Variants in NFASC observed in about 807,000 individuals in gnomAD.
NFASC encodes the protein neurofascin.
NFASC carries 43 observed loss-of-function variants against 147.5 expected under a neutral mutation model. The ratio of observed to expected loss-of-function variants is 0.29; its 90% CI spans 0.23 to 0.38. NFASC has a LOEUF of 0.38. Among genes scored for constraint, NFASC ranks in the 10% least tolerant of loss-of-function variants. NFASC has a pLI of 1.00. For missense variants in NFASC, 1,320 were observed against 1,689.0 expected (o/e 0.78, Z 3.83); for synonymous variants, 622 against 665.5 (o/e 0.93, Z 1.01).
chr1:204,888,083 A>G (rs1249270199), intron 1 of NFASC, among the ~76,000 whole-genome samples: 3 of 152,154 alleles, frequency 2.0e-5, no homozygotes, highest in Non-Finnish European at 4.4e-5. Context: ...GAGGCTGCAA[A>G]TGGTCTCTAG....
intron 12 of NFASC, 49 bp downstream of exon 12, chr1:204,973,468 C>T (rs1006687402): frequency 1.9e-6 from 3 of 1,604,628 alleles, no homozygotes; most frequent in Non-Finnish European, 2.6e-6. Context: ...CACTACTGCA[C>T]AGTCGCCCTG....
At chr1:204,995,724 A>C (rs890639250) in intron 24 of NFASC, among the ~76,000 whole-genome samples, 4 of 151,866 alleles carry the variant, frequency 2.6e-5, no homozygotes, top group Non-Finnish European at 4.4e-5. Context: ...AATTTTGGAG[A>C]CCCAAGGGAA....
chr1:204,983,140 T>C (rs142051017), intron 21 of NFASC, among the ~76,000 whole-genome samples: 23 of 152,226 alleles, frequency 1.5e-4, no homozygotes, highest in African/African-American at 5.1e-4. Flanking sequence ...ACAGTTTCCA[T>C]TGCACGCTTC....
At chr1:204,846,456 C>T (rs986939562) in intron 1 of NFASC, among the ~76,000 whole-genome samples, 6 of 152,076 alleles carry the variant, frequency 3.9e-5, no homozygotes, top group East Asian at 1.9e-4. Context: ...TTTGGGAGTG[C>T]GGCATGAATT....
rs957489165 is a variant in NFASC at position 205,019,479 on chromosome 1, T to C, written c.*2940T>C. The stretch of plus-strand genomic sequence containing the variant: ...GTTTCCTGTGCTCTCATTTGTCCAT[T>C]CATTCATTCATTCATTCATTCAGCA... On this transcript the variant is annotated 3_prime_UTR_variant, in exon 30 of 30. Transcript: ENST00000339876. The C allele has an allele frequency of 2.0e-5, 3 of 151,804 alleles. No individual in the cohort carries two copies. Among genetic ancestry groups the C allele is most frequent in the Non-Finnish European group, 4.4e-5 (3 of 68,028 alleles). 9.4% of individuals were successfully genotyped at this position (151,804 alleles called of 1,614,324 possible). A position where few individuals can be genotyped will look rare whatever the true frequency, so the allele number is the denominator to read the frequency against.
At chr1:204,841,927 A>C (rs1270183235) in intron 1 of NFASC, among the ~76,000 whole-genome samples, 1 of 152,124 alleles carries the variant, frequency 6.6e-6, no homozygotes, top group African/African-American at 2.4e-5. Flanking sequence ...TCCTGGCAGA[A>C]GTCACCCTAG....
chr1:204,931,438 G>T (rs972637894), intron 2 of NFASC, among the ~76,000 whole-genome samples: 1 of 152,168 alleles, frequency 6.6e-6, no homozygotes, highest in Non-Finnish European at 1.5e-5. Context: ...GCTGAGTTTT[G>T]CATTGGCTCT....
At chr1:204,903,942 A>G (rs1028535284) in intron 1 of NFASC, among the ~76,000 whole-genome samples, 1 of 152,206 alleles carries the variant, frequency 6.6e-6, no homozygotes. Flanking sequence ...CTATATTGCC[A>G]TGAACTAGGT....
intron 21 of NFASC, among the ~76,000 whole-genome samples, chr1:204,983,226 G>A (rs2095542492): frequency 6.6e-6 from 1 of 152,152 alleles, no homozygotes; most frequent in Non-Finnish European, 1.5e-5. Flanking sequence ...GAGAAAACAG[G>A]GACAAGAATC....
In NFASC at chr1:204,979,175, T is replaced by C; in HGVS notation, c.1978+106T>C. 9.6e-7 allele frequency: 1 copy of C among 1,042,880 alleles called. No individual in the cohort carries two copies. The highest frequency in any genetic ancestry group is 1.4e-6 in the Non-Finnish European group (1 of 701,764). 64.6% of individuals were successfully genotyped at this position (1,042,880 alleles called of 1,614,324 possible). ...CCCCACTTCTGCCTCGCTTGATGTGTGTCCTGGGCTAACCTCAGAATGTAC... is the reference window on the plus strand; with the variant it reads ...CCCCACTTCTGCCTCGCTTGATGTGCGTCCTGGGCTAACCTCAGAATGTAC... On this transcript the variant is annotated intron_variant, in intron 18 of 29. Transcript: ENST00000339876. The surrounding 1 kb of genome is among the most constrained non-coding windows in gnomAD (Gnocchi z 6.0).
intron 8 of NFASC, among the ~76,000 whole-genome samples, chr1:204,965,835 A>G (rs866748245): frequency 2.0e-5 from 3 of 152,246 alleles, no homozygotes; most frequent in Non-Finnish European, 2.9e-5. Context: ...GTGGGTGGAA[A>G]GCACACGTTT....
chr1:204,962,918 T>A (rs2094757041), intron 8 of NFASC, among the ~76,000 whole-genome samples: 1 of 152,190 alleles, frequency 6.6e-6, no homozygotes, highest in Non-Finnish European at 1.5e-5. Context: ...ATTGGCTATT[T>A]CCACACCTGA....
chr1:204,967,196 T>G (rs2095000165), intron 8 of NFASC, among the ~76,000 whole-genome samples: 1 of 152,204 alleles, frequency 6.6e-6, no homozygotes, highest in Non-Finnish European at 1.5e-5. Flanking sequence ...TTTTTGTTTT[T>G]AGCCATTCCT....
rs888262035 is a variant in NFASC at position 204,972,247 on chromosome 1, A to G, written c.1136-1029A>G. 3.9e-5 allele frequency among the ~76,000 whole-genome samples: 6 copies of G among 152,330 alleles called. No homozygotes were observed. The East Asian group carries it at 1.2e-3, about 29-fold the overall frequency. On this transcript the variant is annotated intron_variant, in intron 11 of 29. Coordinates refer to ENST00000339876, the MANE Select transcript of NFASC (RefSeq NM_001005388.3). ...GGTCTGAGTCATCTTGAATGCGTTC[A>G]TGTACTCTGTAAGCTAAGTCATCAG...
intron 1 of NFASC, among the ~76,000 whole-genome samples, chr1:204,894,024 C>T (rs1344057423): frequency 6.6e-6 from 1 of 152,212 alleles, no homozygotes; most frequent in African/African-American, 2.4e-5. Flanking sequence ...ATAAAGGACC[C>T]AGGCTTTTTT....
At chr1:205,000,857 CTT>C (rs2095965882) in intron 25 of NFASC, 34 of 383,284 alleles carry the variant, frequency 8.9e-5, no homozygotes, top group South Asian at 8.5e-4. Context: ...CAAAAAAACT[CTT>C]TCATTCCTAA....
intron 16 of NFASC, 90 bp downstream of exon 16, chr1:204,976,885 G>C: frequency 6.5e-7 from 1 of 1,531,128 alleles, no homozygotes; most frequent in Admixed American, 2.0e-5. Context: ...TCCGAGGGCA[G>C]TGCCTGCAGT....
intron 3 of NFASC, chr1:204,944,624 G>T: frequency 3.8e-6 from 2 of 531,942 alleles, no homozygotes; most frequent in Non-Finnish European, 3.3e-6. Context: ...GTTTCTCAGG[G>T]CTGTGGCTGA....
At position 204,968,336 on chromosome 1, in the gene NFASC, T is replaced by G. The variant is rs1279041729; in HGVS notation, c.794T>G (p.Leu265Arg). 1.9e-6 allele frequency: 3 copies of G among 1,614,086 alleles called. No individual in the cohort carries two copies. The South Asian group carries it at 3.3e-5, about 18-fold the overall frequency. The part of the protein sequence containing the change: ...SQMVLRGMDL[L>R]LECIASGVPT... ...ATGGTGCTTCGTGGCATGGACCTCC[T>G]GCTGGAATGCATCGCCTCCGGGGTG... The change falls in exon 9 of 30, where the codon CTG becomes CGG. Residue 265 changes from leucine (L) to arginine (R), a missense_variant. Around this residue, in one of 3 missense-constraint regions of NFASC, gnomAD observed 981 missense variants for 1,289.5 expected, o/e 0.76. Transcript: ENST00000339876. This position sits in a 1 kb window ranked among gnomAD's most constrained non-coding sequence, Gnocchi z 5.4.
Sources: gnomAD v4.1 joint callset for allele counts (sites outside exome capture counted in the v4.1 genomes callset) on GRCh38, gnomAD v4.1.1 for gene constraint, gnomAD v4.1.1 regional missense constraint, Gnocchi (gnomAD v3.1) non-coding constraint, MANE v1.5 for transcripts, NCBI Gene and HGNC (gene_info 2026-07-23, HGNC 2026-07-21) for gene names.